Variants in GLDC observed in about 807,000 individuals in gnomAD.
GLDC encodes glycine dehydrogenase (decarboxylating), mitochondrial.
GLDC carries 104 observed loss-of-function variants against 121.3 expected under a neutral mutation model. The observed-to-expected ratio is 0.86, with a 90% CI of 0.73 to 1.01. The LOEUF is 1.01. Ranked by LOEUF, GLDC falls within the 50% of genes least tolerant of loss-of-function variation. GLDC has a pLI of 0.00. For missense variants in GLDC, 1,429 were observed against 1,306.6 expected, an observed-to-expected ratio of 1.09 and a Z score of -1.44; for synonymous variants, 546 against 480.6, an observed-to-expected ratio of 1.14 and a Z score of -1.78.
At chr9:6,642,815 C>T (rs2130022512) in intron 2 of GLDC, among the ~76,000 whole-genome samples, 1 of 152,284 alleles carries the variant, frequency 6.6e-6, no homozygotes, top group Admixed American at 6.5e-5. Flanking sequence ...TTCAAATATT[C>T]ACCTAAAATA....
At chr9:6,626,972 A>G (rs1314117713) in intron 2 of GLDC, among the ~76,000 whole-genome samples, 2 of 152,172 alleles carry the variant, frequency 1.3e-5, no homozygotes, top group African/African-American at 2.4e-5. Context: ...TGTCTTACAC[A>G]CTTTAATTAA....
intron 16 of GLDC, among the ~76,000 whole-genome samples, chr9:6,561,702 T>C (rs1817763408): frequency 6.6e-6 from 1 of 152,038 alleles, no homozygotes; most frequent in Non-Finnish European, 1.5e-5. Context: ...CGACCCAGAT[T>C]TGAAGTTTTG....
intron 15 of GLDC, among the ~76,000 whole-genome samples, chr9:6,585,637 G>C (rs1320762662): frequency 2.0e-5 from 3 of 152,136 alleles, no homozygotes; most frequent in Admixed American, 6.5e-5. Flanking sequence ...AGAAGGTAGG[G>C]CATCTTGAAA....
At position 6,645,319 on chromosome 9, in the gene GLDC, C is replaced by G; in HGVS notation, c.181G>C (p.Asp61His). 2.5e-6 allele frequency: 4 copies of G among 1,586,864 alleles called. No individual in the cohort carries two copies. Among genetic ancestry groups the G allele is most frequent in the Non-Finnish European group, 3.4e-6 (4 of 1,168,644 alleles). ...CCGATGTGCCTCCGAGCGAAGTCGTCGTGTCTGGGCAGAAGGCGCTCCAGG... is the reference window on the plus strand; with the variant it reads ...CCGATGTGCCTCCGAGCGAAGTCGTGGTGTCTGGGCAGAAGGCGCTCCAGG... ...RLLERLLPRH[D>H]DFARRHIGPG... The change falls in exon 1 of 25, where the codon GAC becomes CAC. Residue 61 changes from aspartate to histidine, a missense_variant. Coordinates refer to ENST00000321612, the MANE Select transcript of GLDC (RefSeq NM_000170.3).
intron 20 of GLDC, among the ~76,000 whole-genome samples, chr9:6,551,200 G>A (rs188134829): frequency 6.6e-6 from 1 of 152,196 alleles, no homozygotes; most frequent in African/African-American, 2.4e-5. Context: ...GTTATCTAAA[G>A]AGAGAAAAGA....
intron 12 of GLDC, 142 bp downstream of exon 12, chr9:6,589,053 G>T (rs559776975): frequency 1.2e-5 from 9 of 728,108 alleles, no homozygotes; most frequent in Non-Finnish European, 2.0e-5. Context: ...GAACGGGATC[G>T]TTATGAGGAT....
intron 21 of GLDC, chr9:6,540,475 G>A (rs1032991020): frequency 3.5e-5 from 12 of 345,960 alleles, no homozygotes; most frequent in African/African-American, 1.3e-4. Flanking sequence ...TCTATTCTGC[G>A]GACATAAAAT....
chr9:6,554,968 G>A lies in GLDC; in HGVS notation c.2203-187C>T, dbSNP rs116133476. 541 of 655,036 alleles carry A rather than the reference G, an allele frequency of 8.3e-4. 5 individuals are homozygous for A. The African/African-American group carries it at 8.9e-3, about 11-fold the overall frequency. 40.6% of individuals were successfully genotyped at this position (655,036 alleles called of 1,614,324 possible). A position where few individuals can be genotyped will look rare whatever the true frequency, so the allele number is the denominator to read the frequency against. On this transcript the variant is annotated intron_variant, in intron 18 of 24. Coordinates refer to ENST00000321612, the MANE Select transcript of GLDC (RefSeq NM_000170.3). ...CGTAGTCACAAACTGGCATCCGATA[G>A]GCAGAGTGCTTGTGGTTGCTATGGA...
chr9:6,621,072 A>C (rs543937267), intron 2 of GLDC, among the ~76,000 whole-genome samples: 1 of 152,330 alleles, frequency 6.6e-6, no homozygotes, highest in East Asian at 1.9e-4. Context: ...TGGGAGGCTG[A>C]GGTGGAAGGA....
chr9:6,544,495 T>G (rs1817342711), intron 21 of GLDC, among the ~76,000 whole-genome samples: 1 of 151,960 alleles, frequency 6.6e-6, no homozygotes, highest in African/African-American at 2.4e-5. Flanking sequence ...AATACAAAAA[T>G]CAGCCGAGTG....
intron 18 of GLDC, 151 bp from the exon 19 acceptor site, chr9:6,554,932 T>G: frequency 2.8e-6 from 2 of 706,224 alleles, no homozygotes; most frequent in Admixed American, 4.0e-5. Flanking sequence ...TCCTCTATAC[T>G]GGCCCAGTTC....
intron 13 of GLDC, 55 bp from the exon 14 acceptor site, chr9:6,588,497 A>G: frequency 1.3e-6 from 2 of 1,507,654 alleles, no homozygotes; most frequent in Non-Finnish European, 1.8e-6. Context: ...TAGTCCATCA[A>G]TCAACCCTCC....
intron 3 of GLDC, among the ~76,000 whole-genome samples, chr9:6,619,077 A>C (rs1251616465): frequency 7.2e-6 from 1 of 137,946 alleles, no homozygotes; most frequent in East Asian, 2.4e-4. Context: ...CGAAGGGCAG[A>C]GGTTGCAGTG....
intron 5 of GLDC, among the ~76,000 whole-genome samples, chr9:6,605,647 T>C (rs1818715034): frequency 6.6e-6 from 1 of 152,104 alleles, no homozygotes. Context: ...AAACCATAAG[T>C]AAGACAAGGA....
chr9:6,553,164 G>C (rs905402221), intron 20 of GLDC, among the ~76,000 whole-genome samples: 1 of 152,168 alleles, frequency 6.6e-6, no homozygotes, highest in African/African-American at 2.4e-5. Context: ...AAAAGAAGTA[G>C]TGTAATGAAG....
At chr9:6,545,379 A>G (rs1423092163) in intron 21 of GLDC, among the ~76,000 whole-genome samples, 1 of 152,160 alleles carries the variant, frequency 6.6e-6, no homozygotes, top group Non-Finnish European at 1.5e-5. Flanking sequence ...GTGTATCTTA[A>G]CATATCTCAA....
intron 3 of GLDC, among the ~76,000 whole-genome samples, chr9:6,615,185 G>A (rs181976408): frequency 3.3e-5 from 5 of 152,276 alleles, no homozygotes; most frequent in East Asian, 1.9e-4. Flanking sequence ...GGTTATTCAA[G>A]TGAATAATAG....
intron 7 of GLDC, among the ~76,000 whole-genome samples, chr9:6,602,571 T>C (rs1294266855): frequency 6.6e-6 from 1 of 152,112 alleles, no homozygotes; most frequent in Non-Finnish European, 1.5e-5. Flanking sequence ...CAGGCTGGTC[T>C]TGAACTCCTG....
At chr9:6,541,502 C>T (rs949005719) in intron 21 of GLDC, 1 of 152,168 alleles carries the variant, frequency 6.6e-6, no homozygotes, top group African/African-American at 2.4e-5. Context: ...CTACGAACTG[C>T]TCTGCTTCTT....
Sources: allele counts gnomAD v4.1 joint callset (sites outside exome capture counted in the v4.1 genomes callset), GRCh38; gene constraint gnomAD v4.1.1; transcripts MANE v1.5; gene names NCBI Gene and HGNC (gene_info 2026-07-23, HGNC 2026-07-21).